FGGY: variants seen among roughly 807,000 people sequenced by gnomAD.
FGGY encodes the protein FGGY carbohydrate kinase domain containing.
A neutral mutation model predicts 71.3 loss-of-function variants in FGGY; 72 were observed. That is an observed-to-expected ratio of 1.01 (90% CI 0.84 to 1.23). The LOEUF (loss-of-function observed/expected upper bound fraction) is 1.23. FGGY is among the 50% of genes most tolerant of loss of function. The probability of loss-of-function intolerance (pLI) is 0.00; values close to 1 mark genes in which losing one functional copy is unlikely to be tolerated. For missense variants in FGGY, 668 were observed against 682.3 expected (o/e 0.98, Z 0.23); for synonymous variants, 251 against 250.3 (o/e 1.00, Z -0.02).
chr1:59,667,545 A>G (rs2097337058), intron 13 of FGGY, 142 bp downstream of exon 13: 9 of 1,072,044 alleles, frequency 8.4e-6, no homozygotes, highest in East Asian at 2.4e-5. Flanking sequence ...TATATTCACA[A>G]TGGAGAAAGT....
intron 5 of FGGY, among the ~76,000 whole-genome samples, chr1:59,417,456 T>C (rs1444153817): frequency 6.6e-6 from 1 of 152,246 alleles, no homozygotes; most frequent in African/African-American, 2.4e-5. Flanking sequence ...CTCTTGAGCC[T>C]ATTAGAAGGA....
intron 14 of FGGY, among the ~76,000 whole-genome samples, chr1:59,716,740 T>C (rs1273037674): frequency 6.6e-6 from 1 of 152,138 alleles, no homozygotes; most frequent in African/African-American, 2.4e-5. Context: ...AGGGGAGGGC[T>C]CTCAAGTTTC....
At chr1:59,514,859 C>G (rs953716894) in intron 7 of FGGY, among the ~76,000 whole-genome samples, 1 of 152,162 alleles carries the variant, frequency 6.6e-6, no homozygotes. Context: ...TCTTCCTTGT[C>G]TCGGGTATGT....
In FGGY at chr1:59,321,667, C is replaced by T. The variant is rs769312503; in HGVS notation, c.118C>T (p.Pro40Ser). Reference protein sequence around the residue: ...SGVLLAFADQPIKNWEPQFNH... With the variant: ...SGVLLAFADQSIKNWEPQFNH... ...GGTCCTGTTGGCTTTTGCAGACCAG[C>T]CAATTAAGAATTGGGAGCCCCAGTT... Residue 40 changes from proline (P) to serine (S), a missense_variant, in exon 2 of 16, where the codon CCA (proline) becomes TCA (serine). Physicochemically the swap from Pro to Ser is moderately conservative, Grantham distance 74. Coordinates refer to ENST00000303721, the MANE Select transcript of FGGY (RefSeq NM_018291.5). 1.2e-6 allele frequency: 2 copies of T among 1,613,378 alleles called. No individual in the cohort carries two copies. The highest frequency in any genetic ancestry group is 2.2e-5 in the East Asian group (1 of 44,858).
chr1:59,432,114 C>T (rs1269394133), intron 5 of FGGY, among the ~76,000 whole-genome samples: 6 of 152,118 alleles, frequency 3.9e-5, no homozygotes, highest in Admixed American at 3.3e-4. Flanking sequence ...GATGAATCAT[C>T]CCTAAAAATC....
At chr1:59,626,094 G>T (rs769485144) in intron 10 of FGGY, 45 bp downstream of exon 10, 2 of 1,540,556 alleles carry the variant, frequency 1.3e-6, no homozygotes, top group South Asian at 2.3e-5. Flanking sequence ...TTGTGTGACT[G>T]TATTGAGAGA....
chr1:59,707,741 G>A (rs1456115855), intron 14 of FGGY, among the ~76,000 whole-genome samples: 1 of 152,098 alleles, frequency 6.6e-6, no homozygotes. Flanking sequence ...AAGCCCCCTT[G>A]GATGTGAATA....
At chr1:59,505,067 T>C (rs913710937) in intron 6 of FGGY, among the ~76,000 whole-genome samples, 1 of 152,184 alleles carries the variant, frequency 6.6e-6, no homozygotes, top group Admixed American at 6.5e-5. Flanking sequence ...TCATAATTTT[T>C]AAGTTGGATT....
chr1:59,506,100 G>A (rs1472564663), intron 6 of FGGY, among the ~76,000 whole-genome samples: 1 of 151,906 alleles, frequency 6.6e-6, no homozygotes, highest in Non-Finnish European at 1.5e-5. Context: ...CTGCCCTTGG[G>A]TCTCTTTCCT....
chr1:59,503,750 A>T (rs889914748), intron 6 of FGGY, among the ~76,000 whole-genome samples: 1 of 151,500 alleles, frequency 6.6e-6, no homozygotes, highest in African/African-American at 2.4e-5. Context: ...GGGTGAAAAA[A>T]ATATGTATAA....
In FGGY at chr1:59,482,917, T is replaced by G. The variant is rs2093541117; in HGVS notation, c.670+25841T>G. Among the ~76,000 whole-genome samples, 2 of 152,054 alleles carry G rather than the reference T, an allele frequency of 1.3e-5. 1 individual carries two copies. The highest frequency in any genetic ancestry group is 1.3e-4 in the Admixed American group (2 of 15,236). On this transcript the variant is annotated intron_variant, in intron 6 of 15. Transcript: ENST00000303721. ...GTGAACTGAGGAGGATTGAATTCAG[T>G]GATTCTCAAACCAGAGCATACGTCA...
chr1:59,666,728 C>T (rs2097329489), intron 12 of FGGY, among the ~76,000 whole-genome samples: 1 of 152,186 alleles, frequency 6.6e-6, no homozygotes, highest in African/African-American at 2.4e-5. Context: ...CAGGCAATAG[C>T]AGCGGTAATT....
At chr1:59,518,231 A>G (rs1245871279) in intron 7 of FGGY, among the ~76,000 whole-genome samples, 3 of 152,246 alleles carry the variant, frequency 2.0e-5, no homozygotes, top group Non-Finnish European at 2.9e-5. Flanking sequence ...TTCATGCCCT[A>G]GAACAACACA....
chr1:59,503,291 A>G (rs1487543424), intron 6 of FGGY, among the ~76,000 whole-genome samples: 1 of 152,182 alleles, frequency 6.6e-6, no homozygotes, highest in Non-Finnish European at 1.5e-5. Flanking sequence ...TAAGAAGAGC[A>G]GTGACTAAAA....
chr1:59,484,963 T>C (rs1459177050), intron 6 of FGGY, among the ~76,000 whole-genome samples: 1 of 152,306 alleles, frequency 6.6e-6, no homozygotes, highest in East Asian at 1.9e-4. Context: ...TTTTAAAAAA[T>C]CAATTTTTCA....
At chr1:59,744,895 T>C (rs1304481755) in intron 14 of FGGY, among the ~76,000 whole-genome samples, 1 of 152,194 alleles carries the variant, frequency 6.6e-6, no homozygotes, top group Non-Finnish European at 1.5e-5. Flanking sequence ...GTGTGCTGAA[T>C]GATAAGACAG....
At position 59,527,815 on chromosome 1, in the gene FGGY, C is replaced by T. The variant is rs759825073; in HGVS notation, c.799+15376C>T. On this transcript the variant is annotated intron_variant, in intron 7 of 15. Transcript: ENST00000303721. ...ATTTTGATTACTTCCAATCATCCAT[C>T]GTTAATCGAATTCATAATATAGATA... is the stretch of plus-strand genomic sequence containing the variant. 3.9e-5 allele frequency among the ~76,000 whole-genome samples: 6 copies of T among 152,068 alleles called. No individual in the cohort carries two copies. In the East Asian group the frequency reaches 7.7e-4, roughly 20 times the overall value.
intron 8 of FGGY, among the ~76,000 whole-genome samples, chr1:59,570,229 A>G (rs2095959429): frequency 6.6e-6 from 1 of 152,156 alleles, no homozygotes; most frequent in Admixed American, 6.6e-5. Context: ...GAAAACTTTC[A>G]AAAAAACTGC....
intron 8 of FGGY, among the ~76,000 whole-genome samples, chr1:59,556,958 T>C (rs960126977): frequency 2.0e-5 from 3 of 152,122 alleles, no homozygotes; most frequent in Non-Finnish European, 4.4e-5. Context: ...CCCATCCTGC[T>C]TTGTACTTGG....
Sources: gnomAD v4.1 joint callset for allele counts (sites outside exome capture counted in the v4.1 genomes callset) on GRCh38, gnomAD v4.1.1 for gene constraint, MANE v1.5 for transcripts, NCBI Gene and HGNC (gene_info 2026-07-23, HGNC 2026-07-21) for gene names.